Variants in MGA observed in about 807,000 individuals in gnomAD.
MGA encodes MAX gene-associated protein.
Under a neutral mutation model 261.1 loss-of-function variants are expected in MGA, and 40 were observed. That is an observed-to-expected ratio of 0.15 (90% confidence interval 0.12 to 0.20). The LOEUF is 0.20. Among genes scored for constraint, MGA ranks in the 10% least tolerant of loss-of-function variants. The probability of loss-of-function intolerance (pLI) is 1.00; values close to 1 mark genes in which losing one functional copy is unlikely to be tolerated. For missense variants in MGA, 3,397 were observed against 3,630.5 expected, an observed-to-expected ratio of 0.94 and a Z score of 1.65; for synonymous variants, 1,302 against 1,290.6, an observed-to-expected ratio of 1.01 and a Z score of -0.19.
In MGA at chr15:41,762,461, G is replaced by GTTTTTTTTTTTTTTTTTTTTTT. The variant is rs34069193; in HGVS notation, c.7744+108_7744+129dup. On this transcript the variant is annotated intron_variant, in intron 22 of 23. Transcript: ENST00000219905. ...TTGTCCACATTTTTAGTTTTGTGTG[G>GTTTTTTTTTTTTTTTTTTTTTT]TTTTTTTTTTTTTTTTTTTTTTTTT... The GTTTTTTTTTTTTTTTTTTTTTT allele has an allele frequency of 7.9e-5, 11 of 138,446 alleles. 3 individuals carry two copies. The highest frequency in any genetic ancestry group is 1.9e-4 in the African/African-American group (3 of 15,434). The allele number at this position is 138,446 out of a possible 1,614,324, so 8.6% of individuals were successfully genotyped here. A position where few individuals can be genotyped will look rare whatever the true frequency, so the allele number is the denominator to read the frequency against.
At chr15:41,725,935 A>G (rs1015995200) in intron 9 of MGA, among the ~76,000 whole-genome samples, 20 of 152,150 alleles carry the variant, frequency 1.3e-4, no homozygotes, top group African/African-American at 3.6e-4. Flanking sequence ...TAAGTAATCA[A>G]TGCATATTTT....
At chr15:41,751,914 A>G (rs1470514138) in intron 17 of MGA, 4 of 152,104 alleles carry the variant, frequency 2.6e-5, no homozygotes, top group Admixed American at 6.5e-5. Flanking sequence ...TTGTTTTACA[A>G]TCTCACTTCC....
At chr15:41,648,747 G>A (rs1023418145) in intron 1 of MGA, among the ~76,000 whole-genome samples, 7 of 152,096 alleles carry the variant, frequency 4.6e-5, no homozygotes, top group Non-Finnish European at 7.4e-5. Flanking sequence ...ATGTGAACGC[G>A]GAGATCTGTA....
intron 2 of MGA, among the ~76,000 whole-genome samples, chr15:41,686,382 T>C (rs1273499785): frequency 6.6e-6 from 1 of 152,048 alleles, no homozygotes; most frequent in African/African-American, 2.4e-5. Context: ...AAAAAAATAA[T>C]TAGCTGGGCA....
intron 2 of MGA, among the ~76,000 whole-genome samples, chr15:41,676,680 A>G (rs1268192718): frequency 6.6e-6 from 1 of 152,192 alleles, no homozygotes; most frequent in Non-Finnish European, 1.5e-5. Context: ...TTTAGCCACT[A>G]CAAATAATGC....
intron 2 of MGA, among the ~76,000 whole-genome samples, chr15:41,674,438 C>A (rs534794309): frequency 6.6e-6 from 1 of 152,100 alleles, no homozygotes; most frequent in Admixed American, 6.6e-5. Context: ...CCTCAAGTGG[C>A]CTGCTCACCT....
intron 18 of MGA, among the ~76,000 whole-genome samples, chr15:41,756,016 CA>C (rs563813657): frequency 2.1e-4 from 28 of 134,080 alleles, no homozygotes; most frequent in African/African-American, 2.5e-4. Context: ...GACTCCATCT[CA>C]AAAAAAAAAA....
intron 2 of MGA, among the ~76,000 whole-genome samples, chr15:41,672,097 T>C (rs1488886248): frequency 6.6e-6 from 1 of 152,246 alleles, no homozygotes; most frequent in Non-Finnish European, 1.5e-5. Context: ...GCAGAATTTA[T>C]TGAAATTCCT....
In MGA at chr15:41,742,832, A is replaced by G; in HGVS notation, c.4872A>G (p.Lys1624=). The G allele has an allele frequency of 6.2e-7, 1 of 1,613,986 alleles. No individual in the cohort carries two copies. Among genetic ancestry groups the G allele is most frequent in the Non-Finnish European group, 8.5e-7 (1 of 1,179,886 alleles). Residue 1624 remains lysine, a synonymous_variant, in exon 15 of 24, where the codon AAA becomes AAG. Coordinates refer to ENST00000219905, the MANE Select transcript of MGA (RefSeq NM_001164273.2). ...CTGCTATTTCTGACGTGGAAACTAA[A>G]GAAACTACTTATTCTTCTGGTGCCA... is the stretch of plus-strand genomic sequence containing the variant.
intron 13 of MGA, among the ~76,000 whole-genome samples, 169 bp from the exon 14 acceptor site, chr15:41,739,737 A>G (rs753678975): frequency 3.2e-4 from 48 of 152,326 alleles, no homozygotes; most frequent in Non-Finnish European, 6.6e-4. Context: ...GCATTTTTCT[A>G]CCTTCTGATT....
rs1019446211 is a variant in MGA at position 41,683,878 on chromosome 15, G to C, written c.1065-12197G>C. Among the ~76,000 whole-genome samples the C allele has an allele frequency of 2.6e-5, 4 of 151,936 alleles. No individual in the cohort carries two copies. The South Asian group carries it at 6.2e-4, about 24-fold the overall frequency. ...TTACAGGCGTGACCCACCGTGCATG[G>C]CCTAAGCACCAGTTTTGTTTTTTTT... On this transcript the variant is annotated intron_variant, in intron 2 of 23. Transcript: ENST00000219905.
chr15:41,702,606 C>A (rs2059909798), intron 5 of MGA, among the ~76,000 whole-genome samples: 1 of 152,098 alleles, frequency 6.6e-6, no homozygotes, highest in South Asian at 2.1e-4. Flanking sequence ...TTTGAATTTG[C>A]TTTAAAATTG....
At chr15:41,683,318 C>A (rs919534546) in intron 2 of MGA, among the ~76,000 whole-genome samples, 2 of 151,356 alleles carry the variant, frequency 1.3e-5, no homozygotes, top group Non-Finnish European at 2.9e-5. Context: ...CTCTTGGTCT[C>A]CTCAAGTGAT....
At chr15:41,761,647 AGTTTTT>A in intron 20 of MGA, 86 bp from the exon 21 acceptor site, 1 of 636,726 alleles carries the variant, frequency 1.6e-6, no homozygotes, top group African/African-American at 1.9e-5. Flanking sequence ...TGTCAGATTA[AGTTTTT>A]TTTCATTAGA....
chr15:41,645,790 G>A (rs2056925017), intron 1 of MGA, among the ~76,000 whole-genome samples: 1 of 152,178 alleles, frequency 6.6e-6, no homozygotes, highest in Admixed American at 6.6e-5. Context: ...GTATGGGAAT[G>A]GACATCTCTC....
intron 1 of MGA, among the ~76,000 whole-genome samples, chr15:41,667,619 ATCC>A (rs1426093059): frequency 6.6e-6 from 1 of 152,090 alleles, no homozygotes; most frequent in Non-Finnish European, 1.5e-5. Flanking sequence ...ACTTCAAGCA[ATCC>A]TCCTGCCTTG....
At chr15:41,647,686 A>T (rs907805601) in intron 1 of MGA, among the ~76,000 whole-genome samples, 2 of 151,886 alleles carry the variant, frequency 1.3e-5, no homozygotes, top group Non-Finnish European at 2.9e-5. Flanking sequence ...TTTACTCTAC[A>T]TTTTTGGGCT....
intron 1 of MGA, among the ~76,000 whole-genome samples, chr15:41,664,486 A>G (rs778811464): frequency 6.6e-6 from 1 of 152,214 alleles, no homozygotes. Flanking sequence ...AGTTTATAGA[A>G]AGATGTTTAA....
chr15:41,744,428 C>T (rs919771899), intron 15 of MGA, among the ~76,000 whole-genome samples: 1 of 152,026 alleles, frequency 6.6e-6, no homozygotes, highest in Non-Finnish European at 1.5e-5. Context: ...TGATCTCAGT[C>T]TCCGTGATCT....
Sources: gnomAD v4.1 joint callset for allele counts (sites outside exome capture counted in the v4.1 genomes callset) on GRCh38, gnomAD v4.1.1 for gene constraint, MANE v1.5 for transcripts, NCBI Gene and HGNC (gene_info 2026-07-23, HGNC 2026-07-21) for gene names.